DMRT1: variants seen among roughly 807,000 people sequenced by gnomAD.
DMRT1 encodes the protein doublesex- and mab-3-related transcription factor 1.
DMRT1 carries 7 observed loss-of-function variants against 32.3 expected under a neutral mutation model. That is an observed-to-expected ratio of 0.22 (90% CI 0.12 to 0.41). The LOEUF is 0.41. DMRT1 is among the 10% of genes least tolerant of loss of function. The probability of loss-of-function intolerance (pLI) is 1.00; values close to 1 mark genes in which losing one functional copy is unlikely to be tolerated. For missense variants in DMRT1, 625 were observed against 500.5 expected (o/e 1.25, Z -2.37); for synonymous variants, 278 against 206.1 (o/e 1.35, Z -2.99).
chr9:898,115 GTTA>G (rs937805432), intron 3 of DMRT1, among the ~76,000 whole-genome samples: 31 of 141,634 alleles, frequency 2.2e-4, no homozygotes, highest in African/African-American at 7.5e-4. Flanking sequence ...TTTTTCTTTT[GTTA>G]TTGTTGTTTT....
chr9:957,944 G>A lies in DMRT1; in HGVS notation c.968-10041G>A, dbSNP rs561823100. On this transcript the variant is annotated intron_variant, in intron 4 of 4. Coordinates refer to ENST00000382276, the MANE Select transcript of DMRT1 (RefSeq NM_021951.3). Reference sequence around the variant, plus strand: ...AGAATCACCTGAACCCGCAGGCGGAGGTTGCCCCGATTGGAGATTGTGCCA... The same window carrying A: ...AGAATCACCTGAACCCGCAGGCGGAAGTTGCCCCGATTGGAGATTGTGCCA... 2.0e-5 allele frequency among the ~76,000 whole-genome samples: 3 copies of A among 152,320 alleles called. No individual in the cohort carries two copies. The East Asian group carries it at 5.8e-4, about 29-fold the overall frequency.
At chr9:868,324 G>T (rs576116415) in intron 2 of DMRT1, among the ~76,000 whole-genome samples, 2 of 152,200 alleles carry the variant, frequency 1.3e-5, no homozygotes, top group Admixed American at 1.3e-4. Flanking sequence ...GATCTTACAG[G>T]GGATCTCTTA....
At chr9:939,652 C>T (rs969002971) in intron 4 of DMRT1, among the ~76,000 whole-genome samples, 7 of 152,164 alleles carry the variant, frequency 4.6e-5, no homozygotes, top group African/African-American at 1.7e-4. Flanking sequence ...TATTTTAGAG[C>T]ATCATACAAA....
chr9:858,353 C>A (rs1815493478), intron 2 of DMRT1, among the ~76,000 whole-genome samples: 1 of 152,108 alleles, frequency 6.6e-6, no homozygotes, highest in Admixed American at 6.5e-5. Flanking sequence ...TCACAAAGGT[C>A]ATCTGTGTCA....
In DMRT1 at chr9:964,971, G is replaced by A. The variant is rs2130013434; in HGVS notation, c.968-3014G>A. 2.6e-5 allele frequency among the ~76,000 whole-genome samples: 4 copies of A among 152,226 alleles called. No homozygotes were observed. The South Asian group carries it at 6.2e-4, about 24-fold the overall frequency. The stretch of plus-strand genomic sequence containing the variant: ...TTGAGTTGAAATTAGCCTGGTGTAG[G>A]GCCCCTTAGAATCAAAGAGCGAAAA... On this transcript the variant is annotated intron_variant, in intron 4 of 4. Transcript: ENST00000382276.
intron 2 of DMRT1, among the ~76,000 whole-genome samples, chr9:889,368 A>C (rs1434185721): frequency 1.3e-5 from 2 of 152,202 alleles, no homozygotes; most frequent in African/African-American, 4.8e-5. Context: ...TGCTCTTCCA[A>C]AGTTCAAATG....
At chr9:937,937 A>T (rs1415465832) in intron 4 of DMRT1, among the ~76,000 whole-genome samples, 1 of 152,046 alleles carries the variant, frequency 6.6e-6, no homozygotes, top group Non-Finnish European at 1.5e-5. Flanking sequence ...CAAGGTTATA[A>T]AGATTTATTT....
At chr9:935,970 C>G (rs1020114866) in intron 4 of DMRT1, among the ~76,000 whole-genome samples, 4 of 152,160 alleles carry the variant, frequency 2.6e-5, no homozygotes, top group African/African-American at 7.2e-5. Context: ...AGTGAAATAT[C>G]CCAAAGTCGT....
At chr9:941,227 T>C (rs1207563196) in intron 4 of DMRT1, among the ~76,000 whole-genome samples, 1 of 152,020 alleles carries the variant, frequency 6.6e-6, no homozygotes, top group Non-Finnish European at 1.5e-5. Context: ...GTACACTCAA[T>C]GTTCACAGCA....
chr9:848,607 G>T (rs1192865246), intron 2 of DMRT1, among the ~76,000 whole-genome samples: 1 of 142,610 alleles, frequency 7.0e-6, no homozygotes, highest in Non-Finnish European at 1.5e-5. Context: ...AGGCTGGAGT[G>T]CAGTGGTGTG....
intron 4 of DMRT1, among the ~76,000 whole-genome samples, chr9:936,291 C>G (rs920321249): frequency 3.9e-5 from 6 of 152,098 alleles, no homozygotes; most frequent in African/African-American, 1.4e-4. Flanking sequence ...CTTGGTAGGA[C>G]ATAGATATTG....
chr9:916,057 T>A (rs1818170037), intron 3 of DMRT1, among the ~76,000 whole-genome samples: 1 of 152,086 alleles, frequency 6.6e-6, no homozygotes, highest in African/African-American at 2.4e-5. Context: ...ATACTCTCCT[T>A]ATATGAACAC....
At chr9:868,101 C>A (rs1816070845) in intron 2 of DMRT1, among the ~76,000 whole-genome samples, 1 of 152,188 alleles carries the variant, frequency 6.6e-6, no homozygotes, top group Non-Finnish European at 1.5e-5. Context: ...CCTCAGCCTC[C>A]TGATTAGCTG....
chr9:851,379 C>T (rs1839145841), intron 2 of DMRT1, among the ~76,000 whole-genome samples: 1 of 152,028 alleles, frequency 6.6e-6, no homozygotes, highest in African/African-American at 2.4e-5. Context: ...GCTGAGATTA[C>T]AGGCGTGCGT....
At chr9:958,515 C>T (rs1352711453) in intron 4 of DMRT1, among the ~76,000 whole-genome samples, 1 of 152,066 alleles carries the variant, frequency 6.6e-6, no homozygotes, top group Non-Finnish European at 1.5e-5. Context: ...TACAGGCGCA[C>T]ACCACCACAC....
Position 916,978 on chromosome 9 carries a change from T to G in DMRT1, c.967+71T>G. 5 of 1,499,432 alleles carry G rather than the reference T, an allele frequency of 3.3e-6. No individual in the cohort carries two copies. The South Asian group carries it at 4.5e-5, about 14-fold the overall frequency. The allele number at this position is 1,499,432 out of a possible 1,614,324, so 92.9% of individuals were successfully genotyped here. On this transcript the variant is annotated intron_variant, in intron 4 of 4. Coordinates refer to ENST00000382276, the MANE Select transcript of DMRT1 (RefSeq NM_021951.3). ...GGCTATCCAGTATTGGGTCATTAGC[T>G]GTGTCTAATGGCTTAGCTGTTAGTA...
chr9:843,784 G>A (rs561276993), intron 1 of DMRT1, among the ~76,000 whole-genome samples: 1 of 152,270 alleles, frequency 6.6e-6, no homozygotes, highest in South Asian at 2.1e-4. Flanking sequence ...AATGCCCGAA[G>A]GTTATATGCT....
At chr9:925,679 C>A (rs1357635102) in intron 4 of DMRT1, among the ~76,000 whole-genome samples, 1 of 152,198 alleles carries the variant, frequency 6.6e-6, no homozygotes, top group African/African-American at 2.4e-5. Flanking sequence ...TCTTCCCTTA[C>A]AAACACACGT....
intron 2 of DMRT1, among the ~76,000 whole-genome samples, chr9:891,735 A>G (rs1817160051): frequency 6.6e-6 from 1 of 150,758 alleles, no homozygotes. Context: ...CGTGTTAGCC[A>G]GGATAGTCTT....
Sources: allele counts gnomAD v4.1 joint callset (sites outside exome capture counted in the v4.1 genomes callset), GRCh38; gene constraint gnomAD v4.1.1; transcripts MANE v1.5; gene names NCBI Gene and HGNC (gene_info 2026-07-23, HGNC 2026-07-21).